PTPRD: variants seen among roughly 807,000 people sequenced by gnomAD.
PTPRD encodes protein tyrosine phosphatase receptor type D, also known as receptor-type tyrosine-protein phosphatase delta.
A neutral mutation model predicts 214.5 loss-of-function variants in PTPRD; 34 were observed. The ratio of observed to expected loss-of-function variants is 0.16; its 90% CI spans 0.12 to 0.21. The LOEUF (loss-of-function observed/expected upper bound fraction) is 0.21. PTPRD is among the 10% of genes least tolerant of loss of function. The pLI is 1.00. For missense variants in PTPRD, 2,545 were observed against 2,398.7 expected, an observed-to-expected ratio of 1.06 and a Z score of -1.27; for synonymous variants, 1,128 against 845.7, an observed-to-expected ratio of 1.33 and a Z score of -5.79.
chr9:9,629,238 G>GTATATATATATATATATA lies in PTPRD; in HGVS notation c.-286-54475_-286-54458dup, dbSNP rs113482595. Among the ~76,000 whole-genome samples, 219 of 140,348 alleles carry GTATATATATATATATATA rather than the reference G, an allele frequency of 1.6e-3. 2 individuals carry two copies. Among genetic ancestry groups the GTATATATATATATATATA allele is most frequent in the African/African-American group, 5.9e-3 (211 of 35,516 alleles). The allele number at this position is 140,348 out of a possible 152,430, so 92.1% of individuals were successfully genotyped here. ...TGGGGAGATATATATGTGTGTGTGT[G>GTATATATATATATATATA]TATATATATATATATATATGAACAC... On this transcript the variant is annotated intron_variant, in intron 7 of 45. Coordinates refer to ENST00000381196, the MANE Select transcript of PTPRD (RefSeq NM_002839.4).
In PTPRD at chr9:8,413,925, A is replaced by G. The variant is rs567744115; in HGVS notation, c.4087-9265T>C. On this transcript the variant is annotated intron_variant, in intron 35 of 45. Coordinates refer to ENST00000381196, the MANE Select transcript of PTPRD (RefSeq NM_002839.4). ...GTTAAATATTAGAAAAAAAATCAGTACATTGATGATCTTATGTATTAGACC... is the reference window on the plus strand; with the variant it reads ...GTTAAATATTAGAAAAAAAATCAGTGCATTGATGATCTTATGTATTAGACC... Among the ~76,000 whole-genome samples, 5 of 152,266 alleles carry G rather than the reference A, an allele frequency of 3.3e-5. No individual in the cohort carries two copies. In the East Asian group the frequency reaches 7.7e-4, roughly 24 times the overall value.
chr9:10,222,497 A>T (rs1203680766), intron 3 of PTPRD, among the ~76,000 whole-genome samples: 1 of 152,264 alleles, frequency 6.6e-6, no homozygotes, highest in Middle Eastern at 3.4e-3. Flanking sequence ...CTGGCTGTCA[A>T]GCCATATTAT....
intron 5 of PTPRD, among the ~76,000 whole-genome samples, chr9:9,815,723 T>C (rs1323362258): frequency 6.6e-6 from 1 of 152,036 alleles, no homozygotes; most frequent in African/African-American, 2.4e-5. Flanking sequence ...GAGAGTAGAA[T>C]GGTTGATTTT....
chr9:8,375,974 A>G lies in PTPRD; in HGVS notation c.4623T>C (p.Cys1541=), dbSNP rs927721129. 6.2e-7 allele frequency: 1 copy of G among 1,612,882 alleles called. No individual in the cohort carries two copies. The highest frequency in any genetic ancestry group is 8.5e-7 in the Non-Finnish European group (1 of 1,179,220). Reference sequence around the variant, plus strand: ...CCATCGGACCAGCATCGGGAGGGTTACAGGTTTTGACTCTACGTAAGAAAG... The same window carrying G: ...CCATCGGACCAGCATCGGGAGGGTTGCAGGTTTTGACTCTACGTAAGAAAG... The part of the protein sequence containing the change: ...FLAFLRRVKT[C]NPPDAGPMVV... The change falls in exon 39 of 46, where the codon TGT becomes TGC. Residue 1541 remains cysteine, a synonymous_variant. Transcript: ENST00000381196.
At chr9:10,485,438 G>A (rs1046274934) in intron 2 of PTPRD, among the ~76,000 whole-genome samples, 12 of 152,018 alleles carry the variant, frequency 7.9e-5, no homozygotes, top group African/African-American at 2.4e-4. Flanking sequence ...TGAATCTGCA[G>A]ATTACTATGG....
intron 39 of PTPRD, among the ~76,000 whole-genome samples, chr9:8,356,505 T>C (rs1013731866): frequency 2.0e-5 from 3 of 152,228 alleles, no homozygotes; most frequent in African/African-American, 7.2e-5. Flanking sequence ...GCAATAAGTT[T>C]CAGTGTTCTT....
rs140482205 is a variant in PTPRD at position 8,618,472 on chromosome 9, C to G, written c.352+14845G>C. ...AAGCCATGAATGGTGATCAAAGATT[C>G]CTGTGAATAATTTTCTTAATGAAAG... On this transcript the variant is annotated intron_variant, in intron 14 of 45. Coordinates refer to ENST00000381196, the MANE Select transcript of PTPRD (RefSeq NM_002839.4). Among the ~76,000 whole-genome samples, 6 of 151,964 alleles carry G rather than the reference C, an allele frequency of 3.9e-5. No homozygotes were observed. The East Asian group carries it at 1.2e-3, about 29-fold the overall frequency.
At chr9:9,951,337 T>C (rs2093435681) in intron 4 of PTPRD, among the ~76,000 whole-genome samples, 1 of 152,190 alleles carries the variant, frequency 6.6e-6, no homozygotes, top group Admixed American at 6.5e-5. Flanking sequence ...AGGCCGACTG[T>C]GTTAAAAATT....
intron 5 of PTPRD, among the ~76,000 whole-genome samples, chr9:9,933,217 AC>A (rs1249228908): frequency 3.3e-5 from 5 of 152,246 alleles, no homozygotes. Flanking sequence ...GATCAAATTC[AC>A]ACATAACAAT....
At chr9:10,516,774 T>G (rs921225855) in intron 2 of PTPRD, among the ~76,000 whole-genome samples, 1 of 151,916 alleles carries the variant, frequency 6.6e-6, no homozygotes, top group African/African-American at 2.4e-5. Context: ...AGGGTCCAAT[T>G]TTATTATTTT....
chr9:10,374,066 GAGAT>G (rs1482476488), intron 2 of PTPRD, among the ~76,000 whole-genome samples: 1 of 152,034 alleles, frequency 6.6e-6, no homozygotes, highest in Non-Finnish European at 1.5e-5. Flanking sequence ...CTTTAGCTGT[GAGAT>G]AGATAAAGTA....
At chr9:8,371,084 T>A (rs1417552694) in intron 39 of PTPRD, among the ~76,000 whole-genome samples, 2 of 152,056 alleles carry the variant, frequency 1.3e-5, no homozygotes, top group African/African-American at 2.4e-5. Flanking sequence ...GAGCTATGTC[T>A]AAATTTAATC....
intron 5 of PTPRD, among the ~76,000 whole-genome samples, chr9:9,878,473 A>G (rs1408473747): frequency 1.3e-5 from 2 of 152,200 alleles, no homozygotes; most frequent in Non-Finnish European, 2.9e-5. Context: ...TGAAGACTTA[A>G]AGGATGAATA....
chr9:9,076,967 T>C (rs1190002353), intron 10 of PTPRD, among the ~76,000 whole-genome samples: 2 of 152,070 alleles, frequency 1.3e-5, no homozygotes, highest in Non-Finnish European at 2.9e-5. Context: ...TAGAATTTGC[T>C]GTTGCCTGTC....
intron 9 of PTPRD, among the ~76,000 whole-genome samples, chr9:9,284,490 T>C (rs1360238408): frequency 6.6e-6 from 1 of 151,674 alleles, no homozygotes; most frequent in Non-Finnish European, 1.5e-5. Context: ...TATTAACTAC[T>C]GAAATTCGCT....
intron 12 of PTPRD, among the ~76,000 whole-genome samples, chr9:8,714,185 T>C (rs1352675550): frequency 6.6e-6 from 1 of 152,144 alleles, no homozygotes; most frequent in Non-Finnish European, 1.5e-5. Context: ...CAGGAGAAAA[T>C]TTTTGTGTCT....
At chr9:8,410,353 C>G (rs953287885) in intron 35 of PTPRD, among the ~76,000 whole-genome samples, 4 of 152,172 alleles carry the variant, frequency 2.6e-5, no homozygotes, top group African/African-American at 9.7e-5. Flanking sequence ...AGCTTTCTGG[C>G]TGCCCCTGGT....
chr9:10,342,656 G>A (rs1005227737), intron 2 of PTPRD, among the ~76,000 whole-genome samples: 8 of 151,878 alleles, frequency 5.3e-5, no homozygotes, highest in East Asian at 1.9e-4. Flanking sequence ...TTAATTTTCC[G>A]CACCTTCTAT....
intron 4 of PTPRD, among the ~76,000 whole-genome samples, chr9:9,942,898 T>G (rs1056872467): frequency 1.3e-5 from 2 of 151,672 alleles, no homozygotes; most frequent in East Asian, 1.9e-4. Flanking sequence ...CTGAGTTGTT[T>G]TTTTTTTTTT....
Sources: gnomAD v4.1 joint callset for allele counts (sites outside exome capture counted in the v4.1 genomes callset) on GRCh38, gnomAD v4.1.1 for gene constraint, MANE v1.5 for transcripts, NCBI Gene and HGNC (gene_info 2026-07-23, HGNC 2026-07-21) for gene names.